Variants in MMP2 observed in about 807,000 individuals in gnomAD.
MMP2 encodes the protein matrix metallopeptidase 2, also known as 72 kDa type IV collagenase.
A neutral mutation model predicts 74.8 loss-of-function variants in MMP2; 39 were observed. The ratio of observed to expected loss-of-function variants is 0.52; its 90% confidence interval spans 0.40 to 0.68. The LOEUF (loss-of-function observed/expected upper bound fraction) is 0.68. Ranked by LOEUF, MMP2 falls within the 30% of genes least tolerant of loss-of-function variation. The pLI is 0.00. For synonymous variants in MMP2, 367 were observed against 339.8 expected (o/e 1.08, Z -0.88); for missense variants, 803 against 878.3 (o/e 0.91, Z 1.08).
At chr16:55,484,206 G>A (rs1458950895) in intron 3 of MMP2, 42 bp downstream of exon 3, 3 of 1,602,522 alleles carry the variant, frequency 1.9e-6, no homozygotes, top group East Asian at 4.5e-5. Flanking sequence ...GCAGGGATCA[G>A]TGTTGAGACG....
chr16:55,480,032 T>TA (rs1364109597), intron 1 of MMP2: 1 of 205,294 alleles, frequency 4.9e-6, no homozygotes, highest in Non-Finnish European at 9.7e-6. Flanking sequence ...GGGCAGTTGC[T>TA]AAGGGCTCTT....
In MMP2 at chr16:55,485,287, T is replaced by G. The variant is rs1250487703; in HGVS notation, c.530-12T>G. ...GGCACAGCTAGACGCTAAGACCCAG[T>G]GTGTGTTTCAGAGCATGGCGATGGA... On this transcript the variant is annotated splice_polypyrimidine_tract_variant and intron_variant, in intron 3 of 12. Transcript: ENST00000219070. 2 of 1,613,966 alleles carry G rather than the reference T, an allele frequency of 1.2e-6. No individual in the cohort carries two copies. Among genetic ancestry groups the G allele is most frequent in the East Asian group, 4.5e-5 (2 of 44,854 alleles).
At position 55,485,480 on chromosome 16, in the gene MMP2, A is replaced by G. The variant is rs761084245; in HGVS notation, c.658+53A>G. ...AGACCTTCTCTCCTGTCCTCTCTCC[A>G]CTCCATTTGCTTGGACCAGAGAGGT... On this transcript the variant is annotated intron_variant, in intron 4 of 12. Coordinates refer to ENST00000219070, the MANE Select transcript of MMP2 (RefSeq NM_004530.6). 3.1e-6 allele frequency: 5 copies of G among 1,613,334 alleles called. No individual in the cohort carries two copies. In the South Asian group the frequency reaches 3.3e-5, roughly 11 times the overall value.
intron 8 of MMP2, 33 bp downstream of exon 8, chr16:55,491,989 G>C (rs767801624): frequency 3.6e-6 from 5 of 1,406,560 alleles, no homozygotes; most frequent in Non-Finnish European, 4.9e-6. Context: ...GGGGTGGAGG[G>C]TGAGGAGGGG....
intron 11 of MMP2, among the ~76,000 whole-genome samples, chr16:55,499,313 G>A (rs892240464): frequency 6.6e-6 from 1 of 152,248 alleles, no homozygotes. Context: ...TTCTATACCC[G>A]AGATGGTGGA....
rs1962580119 is a variant in MMP2, at chr16:55,498,327, C to T, written c.1648C>T (p.Arg550Ter). 6.2e-7 allele frequency: 1 copy of T among 1,614,252 alleles called. No individual in the cohort carries two copies. The highest frequency in any genetic ancestry group is 8.5e-7 in the Non-Finnish European group (1 of 1,180,048). The change falls in exon 11 of 13, where the codon CGA becomes TGA. Residue 550 changes from arginine (R) to a stop codon, truncating the protein, a stop_gained. Coordinates refer to ENST00000219070, the MANE Select transcript of MMP2 (RefSeq NM_004530.6). LOFTEE classifies it high-confidence loss of function. ...GATCTACTCAGCCAGCACCCTGGAG[C>T]GAGGGTACCCCAAGCCACTGACCAG... ...YWIYSASTLE[R>*]GYPKPLTSLG...
chr16:55,480,725 A>T (rs1962079253), intron 1 of MMP2: 1 of 152,400 alleles, frequency 6.6e-6, no homozygotes, highest in Admixed American at 6.5e-5. Flanking sequence ...CCTGTCCGGG[A>T]GAAGACGCCC....
rs1329853505 is a variant in MMP2, at chr16:55,493,547, G to T, written c.1472+254G>T. ...TCAGCTACAGTTTGGGTTCAGGTGT[G>T]CTCTGCCTGTTGTTCTCATGGGATT... On this transcript the variant is annotated intron_variant, in intron 9 of 12. Coordinates refer to ENST00000219070, the MANE Select transcript of MMP2 (RefSeq NM_004530.6). Among the ~76,000 whole-genome samples the T allele has an allele frequency of 2.0e-5, 3 of 152,312 alleles. No individual in the cohort carries two copies. The South Asian group carries it at 6.2e-4, about 32-fold the overall frequency.
At chr16:55,486,932 C>T (rs1242233456) in intron 5 of MMP2, 1 of 152,168 alleles carries the variant, frequency 6.6e-6, no homozygotes, top group African/African-American at 2.4e-5. Flanking sequence ...CTAGTTAATT[C>T]CCTTCCTGTT....
intron 9 of MMP2, 76 bp from the exon 10 acceptor site, chr16:55,496,838 TGTTTCTGGGTGG>T (rs1962538664): frequency 6.5e-7 from 1 of 1,533,720 alleles, no homozygotes; most frequent in African/African-American, 1.4e-5. Flanking sequence ...ATCTCTGGGA[TGTTTCTGGGTGG>T]GTTTGGGGGT....
At chr16:55,499,156 G>A (rs1451319731) in intron 11 of MMP2, among the ~76,000 whole-genome samples, 3 of 135,618 alleles carry the variant, frequency 2.2e-5, no homozygotes, top group African/African-American at 5.5e-5. Flanking sequence ...GCAACAGAGT[G>A]AGACTCCAAC....
At chr16:55,495,360 A>G (rs1962506799) in intron 9 of MMP2, among the ~76,000 whole-genome samples, 1 of 152,228 alleles carries the variant, frequency 6.6e-6, no homozygotes, top group African/African-American at 2.4e-5. Context: ...CTACCACATC[A>G]CAGTTTTCTT....
In MMP2 at chr16:55,485,623, G is replaced by C. The variant is rs1132896; in HGVS notation, c.678G>C (p.Gly226=). 0.33 allele frequency: 526,579 copies of C among 1,613,650 alleles called. 90,267 individuals carry two copies. Among genetic ancestry groups the C allele is most frequent in the Admixed American group, 0.36 (21,751 of 59,988 alleles). Residue 226 remains glycine, a synonymous_variant, in exon 5 of 13, where the codon GGG becomes GGC. Transcript: ENST00000219070. The part of the protein sequence containing the change: ...GEGQVVRVKY[G]NADGEYCKFP... ...CTTTAGTGGTCCGTGTGAAGTATGGGAACGCCGATGGGGAGTACTGCAAGT... is the reference window on the plus strand; with the variant it reads ...CTTTAGTGGTCCGTGTGAAGTATGGCAACGCCGATGGGGAGTACTGCAAGT...
At position 55,498,367 on chromosome 16, in the gene MMP2, C is replaced by T. The variant is rs778428333; in HGVS notation, c.1688C>T (p.Pro563Leu). Residue 563 changes from proline to leucine, a missense_variant, in exon 11 of 13, where the codon CCT becomes CTT. Pro to Leu is a moderately conservative substitution (Grantham distance 98). Coordinates refer to ENST00000219070, the MANE Select transcript of MMP2 (RefSeq NM_004530.6). The stretch of plus-strand genomic sequence containing the variant: ...CCACTGACCAGCCTGGGACTGCCCC[C>T]TGATGTCCAGCGAGTGGATGCCGCC... ...PKPLTSLGLPPDVQRVDAAFN... is the reference protein window; with the variant it reads ...PKPLTSLGLPLDVQRVDAAFN... 2.5e-6 allele frequency: 4 copies of T among 1,614,258 alleles called. No individual in the cohort carries two copies. The South Asian group carries it at 4.4e-5, about 18-fold the overall frequency.
intron 7 of MMP2, among the ~76,000 whole-genome samples, chr16:55,491,442 T>C (rs2142358259): frequency 6.6e-6 from 1 of 152,274 alleles, no homozygotes; most frequent in East Asian, 1.9e-4. Context: ...GCTCATCTTT[T>C]ATAGAGAGAC....
At chr16:55,493,061 T>C (rs1008034578) in intron 8 of MMP2, 97 bp from the exon 9 acceptor site, 2 of 1,487,588 alleles carry the variant, frequency 1.3e-6, no homozygotes, top group East Asian at 2.3e-5. Flanking sequence ...CGATTTCTTC[T>C]GACTCTTAGA....
At chr16:55,488,847 T>G (rs973028299) in intron 6 of MMP2, 131 bp downstream of exon 6, 11 of 956,316 alleles carry the variant, frequency 1.2e-5, no homozygotes, top group Non-Finnish European at 1.6e-5. Flanking sequence ...GCGAATGACA[T>G]CCACACCAAG....
intron 11 of MMP2, among the ~76,000 whole-genome samples, chr16:55,501,418 T>C (rs1218798486): frequency 6.6e-6 from 1 of 152,162 alleles, no homozygotes; most frequent in Non-Finnish European, 1.5e-5. Flanking sequence ...GTGGGTAGAA[T>C]GAGAAAGAAA....
At chr16:55,488,098 A>G in intron 5 of MMP2, 1 of 235,958 alleles carries the variant, frequency 4.2e-6, no homozygotes, top group Non-Finnish European at 8.4e-6. Flanking sequence ...GAGCAGTTTG[A>G]GAACCATCTT....
Sources: gnomAD v4.1 joint callset for allele counts (sites outside exome capture counted in the v4.1 genomes callset) on GRCh38, gnomAD v4.1.1 for gene constraint, MANE v1.5 for transcripts, NCBI Gene and HGNC (gene_info 2026-07-23, HGNC 2026-07-21) for gene names.